MAP3K4: variants seen among roughly 807,000 people sequenced by gnomAD.
MAP3K4 encodes mitogen-activated protein kinase kinase kinase 4.
A neutral mutation model predicts 185.6 loss-of-function variants in MAP3K4; 67 were observed. The observed-to-expected ratio is 0.36, with a 90% CI of 0.30 to 0.44. The LOEUF is 0.44. Ranked by LOEUF, MAP3K4 falls within the 20% of genes least tolerant of loss-of-function variation. The probability of loss-of-function intolerance (pLI) is 1.00; values close to 1 mark genes in which losing one functional copy is unlikely to be tolerated. For synonymous variants in MAP3K4, 702 were observed against 710.4 expected, an observed-to-expected ratio of 0.99 and a Z score of 0.19; for missense variants, 1,551 against 1,995.1, an observed-to-expected ratio of 0.78 and a Z score of 4.24.
chr6:161,005,976 C>T (rs770538056), intron 1 of MAP3K4, among the ~76,000 whole-genome samples: 2 of 152,198 alleles, frequency 1.3e-5, no homozygotes, highest in East Asian at 1.9e-4. Flanking sequence ...TTAATAGAAA[C>T]GGGGTTTTGC....
At chr6:161,083,871 G>A (rs1785574404) in intron 6 of MAP3K4, among the ~76,000 whole-genome samples, 1 of 152,144 alleles carries the variant, frequency 6.6e-6, no homozygotes, top group South Asian at 2.1e-4. Flanking sequence ...GACAAGCCTA[G>A]CACTTACCTC....
chr6:161,087,901 C>G lies in MAP3K4; in HGVS notation c.2770C>G (p.Pro924Ala). ...EDSWGTWEAQ[P>A]VKVVPQVETV... ...CAGCTGGGGCACCTGGGAGGCACAG[C>G]CTGTCAAAGTCGTGCCTCAGGTGGA... The change falls in exon 10 of 27, where the codon CCT (proline) becomes GCT (alanine). Residue 924 changes from proline to alanine, a missense_variant. Around this residue, in one of 16 missense-constraint regions of MAP3K4, gnomAD observed 261 missense variants for 306.5 expected, o/e 0.85. Coordinates refer to ENST00000392142, the MANE Select transcript of MAP3K4 (RefSeq NM_005922.4). The surrounding 1 kb of genome is among the most constrained non-coding windows in gnomAD (Gnocchi z 4.9). 1 of 1,614,082 alleles carries G rather than the reference C, an allele frequency of 6.2e-7. No individual in the cohort carries two copies. Among genetic ancestry groups the G allele is most frequent in the Non-Finnish European group, 8.5e-7 (1 of 1,180,004 alleles).
At chr6:161,078,356 G>T (rs1315946996) in intron 5 of MAP3K4, among the ~76,000 whole-genome samples, 2 of 152,226 alleles carry the variant, frequency 1.3e-5, no homozygotes, top group East Asian at 3.9e-4. Flanking sequence ...GTAAGGGGCT[G>T]CAGGGTGCAG....
chr6:161,025,922 TTTAG>T (rs1472440923), intron 1 of MAP3K4, among the ~76,000 whole-genome samples: 2 of 152,252 alleles, frequency 1.3e-5, no homozygotes, highest in Non-Finnish European at 2.9e-5. Context: ...TATGGTTCTC[TTTAG>T]TTAAGCCTAA....
Position 161,091,020 on chromosome 6 carries a change from TA to T in MAP3K4, c.2974-358del, listed in dbSNP as rs1221149482. 1.3e-5 allele frequency among the ~76,000 whole-genome samples: 2 copies of T among 152,188 alleles called. No homozygotes were observed. Among genetic ancestry groups the T allele is most frequent in the African/African-American group, 4.8e-5 (2 of 41,448 alleles). On this transcript the variant is annotated intron_variant, in intron 11 of 26. Transcript: ENST00000392142. This position sits in a 1 kb window ranked among gnomAD's most constrained non-coding sequence, Gnocchi z 5.5. ...GACAGCACGATCGGAGGAGGTCATC[TA>T]GAAGTACATGGACTTTTTCACTCTG... is the stretch of plus-strand genomic sequence containing the variant.
chr6:161,106,239 TA>T lies in MAP3K4; in HGVS notation c.3857-274del, dbSNP rs1484191171. On this transcript the variant is annotated intron_variant, in intron 19 of 26. Coordinates refer to ENST00000392142, the MANE Select transcript of MAP3K4 (RefSeq NM_005922.4). This position sits in a 1 kb window ranked among gnomAD's most constrained non-coding sequence, Gnocchi z 4.9. ...GGAGAGAGGAGAAACTAGAGACATG[TA>T]TATTACTGCAAGATTTTAGCCAACG... 1.3e-5 allele frequency among the ~76,000 whole-genome samples: 2 copies of T among 152,168 alleles called. No individual in the cohort carries two copies. Among genetic ancestry groups the T allele is most frequent in the Non-Finnish European group, 2.9e-5 (2 of 68,034 alleles).
Position 161,056,126 on chromosome 6 carries a change from G to C in MAP3K4, c.1707+6147G>C, listed in dbSNP as rs1784224898. 6.6e-6 allele frequency among the ~76,000 whole-genome samples: 1 copy of C among 152,120 alleles called. No homozygotes were observed. Among genetic ancestry groups the C allele is most frequent in the African/African-American group, 2.4e-5 (1 of 41,424 alleles). On this transcript the variant is annotated intron_variant, in intron 3 of 26. Transcript: ENST00000392142. The surrounding 1 kb of genome is among the most constrained non-coding windows in gnomAD (Gnocchi z 5.4). ...TGGAGCTCTTTCAGTTGCCTTCTGT[G>C]TCGTTTGATATGCTCCCCTCTTTTG... is the stretch of plus-strand genomic sequence containing the variant.
In MAP3K4 at chr6:161,108,769, G is replaced by A; in HGVS notation, c.4146G>A (p.Lys1382=). The A allele has an allele frequency of 6.2e-7, 1 of 1,613,508 alleles. No individual in the cohort carries two copies. Among genetic ancestry groups the A allele is most frequent in the Non-Finnish European group, 8.5e-7 (1 of 1,179,500 alleles). ...TTCGATTTCAACCTAATGACCATAA[G>A]ACTATCAAGGAAACTGCAGACGAAT... ...KEIRFQPNDH[K]TIKETADELK... The change falls in exon 22 of 27, where the codon AAG becomes AAA. Residue 1382 remains lysine (K), a synonymous_variant. Transcript: ENST00000392142. The surrounding 1 kb of genome is among the most constrained non-coding windows in gnomAD (Gnocchi z 5.7).
At chr6:160,998,648 ACTC>A (rs1218764687) in intron 1 of MAP3K4, among the ~76,000 whole-genome samples, 13 of 152,188 alleles carry the variant, frequency 8.5e-5, no homozygotes, top group Non-Finnish European at 1.9e-4. Context: ...ATTAGAAACA[ACTC>A]CAACAGTAAC....
chr6:161,063,398 A>G lies in MAP3K4; in HGVS notation c.1708-7210A>G, dbSNP rs1774200419. On this transcript the variant is annotated intron_variant, in intron 3 of 26. Coordinates refer to ENST00000392142, the MANE Select transcript of MAP3K4 (RefSeq NM_005922.4). The surrounding 1 kb of genome is among the most constrained non-coding windows in gnomAD (Gnocchi z 5.4). ...TTATGGTAACCTTGTGCTAGATTCT[A>G]CTACAGTTCTTTTCTGTTGCTTATT... Among the ~76,000 whole-genome samples, 1 of 152,070 alleles carries G rather than the reference A, an allele frequency of 6.6e-6. No homozygotes were observed. The highest frequency in any genetic ancestry group is 2.4e-5 in the African/African-American group (1 of 41,404).
chr6:161,093,158 A>C lies in MAP3K4; in HGVS notation c.3348+102A>C. The C allele has an allele frequency of 1.4e-6, 1 of 733,304 alleles. No homozygotes were observed. Among genetic ancestry groups the C allele is most frequent in the Non-Finnish European group, 2.3e-6 (1 of 434,036 alleles). 45.4% of individuals were successfully genotyped at this position (733,304 alleles called of 1,614,324 possible). On this transcript the variant is annotated intron_variant, in intron 14 of 26. Coordinates refer to ENST00000392142, the MANE Select transcript of MAP3K4 (RefSeq NM_005922.4). The surrounding 1 kb of genome is among the most constrained non-coding windows in gnomAD (Gnocchi z 5.2). ...ATGTAATAGTGGTTTTTTTCATGAG[A>C]TATTAATCTCAGCATATCATGTAAT...
At chr6:160,995,118 A>T (rs1267143833) in intron 1 of MAP3K4, among the ~76,000 whole-genome samples, 1 of 152,080 alleles carries the variant, frequency 6.6e-6, no homozygotes, top group African/African-American at 2.4e-5. Flanking sequence ...TTTTTTAATT[A>T]TTATTTTTAA....
Position 161,106,575 on chromosome 6 carries a change from A to G in MAP3K4, c.3918A>G (p.Glu1306=). ...AIQKSVRLFE[E]KRYREMRRKN... ...AGAAGTCAGTCCGATTGTTTGAAGA[A>G]AAGAGGTACCGAGAAATGAGGAGAA... The change falls in exon 20 of 27, where the codon GAA becomes GAG. Residue 1306 remains glutamate, a synonymous_variant. Transcript: ENST00000392142. This position sits in a 1 kb window ranked among gnomAD's most constrained non-coding sequence, Gnocchi z 4.9. 2.5e-6 allele frequency: 4 copies of G among 1,614,074 alleles called. No homozygotes were observed. Among genetic ancestry groups the G allele is most frequent in the Non-Finnish European group, 3.4e-6 (4 of 1,179,956 alleles).
intron 1 of MAP3K4, among the ~76,000 whole-genome samples, chr6:161,012,690 ATGT>A (rs1213663695): frequency 6.6e-6 from 1 of 152,176 alleles, no homozygotes; most frequent in East Asian, 1.9e-4. Flanking sequence ...TCTATTTTAT[ATGT>A]TGTTTCCTTA....
rs1054461122 is a variant in MAP3K4 at position 161,106,388 on chromosome 6, G to A, written c.3857-126G>A. The stretch of plus-strand genomic sequence containing the variant: ...ACTTTAATTCACCTGCTGTTTATCT[G>A]AATAGATAATAAGCTTTGCTGTAAT... On this transcript the variant is annotated intron_variant, in intron 19 of 26. Transcript: ENST00000392142. The surrounding 1 kb of genome is among the most constrained non-coding windows in gnomAD (Gnocchi z 4.9). The A allele has an allele frequency of 8.0e-6, 5 of 628,128 alleles. No homozygotes were observed. In the African/African-American group the frequency reaches 9.1e-5, roughly 11 times the overall value. The allele number at this position is 628,128 out of a possible 1,614,324, so 38.9% of individuals were successfully genotyped here. A position where few individuals can be genotyped will look rare whatever the true frequency, so the allele number is the denominator to read the frequency against.
Position 161,091,891 on chromosome 6 carries a change from A to G in MAP3K4, c.3136-119A>G, listed in dbSNP as rs1777328184. 1 of 852,930 alleles carries G rather than the reference A, an allele frequency of 1.2e-6. No individual in the cohort carries two copies. The highest frequency in any genetic ancestry group is 2.5e-5 in the East Asian group (1 of 40,114). The allele number at this position is 852,930 out of a possible 1,614,324, so 52.8% of individuals were successfully genotyped here. A position where few individuals can be genotyped will look rare whatever the true frequency, so the allele number is the denominator to read the frequency against. On this transcript the variant is annotated intron_variant, in intron 12 of 26. Transcript: ENST00000392142. The surrounding 1 kb of genome is among the most constrained non-coding windows in gnomAD (Gnocchi z 5.5). ...ATTCTTCATACTATTCAAAATATAG[A>G]AATTTTAATTGGATTTCACTTTTTG...
At position 161,046,428 on chromosome 6, in the gene MAP3K4, A is replaced by T. The variant is rs370947374; in HGVS notation, c.344-2188A>T. Among the ~76,000 whole-genome samples, 11 of 152,234 alleles carry T rather than the reference A, an allele frequency of 7.2e-5. No homozygotes were observed. In the East Asian group the frequency reaches 1.5e-3, roughly 21 times the overall value. The stretch of plus-strand genomic sequence containing the variant: ...AGCTAGAAACAATAAAACTGTGAAG[A>T]AATTTTCTTAAATGGACTATATGAA... On this transcript the variant is annotated intron_variant, in intron 2 of 26. Coordinates refer to ENST00000392142, the MANE Select transcript of MAP3K4 (RefSeq NM_005922.4).
intron 1 of MAP3K4, among the ~76,000 whole-genome samples, chr6:161,000,353 AC>A (rs1562471206): frequency 6.6e-6 from 1 of 152,186 alleles, no homozygotes; most frequent in Non-Finnish European, 1.5e-5. Context: ...AGTCAGGAGA[AC>A]AAGTACACTA....
At chr6:161,000,730 TACAC>T (rs894001793) in intron 1 of MAP3K4, among the ~76,000 whole-genome samples, 6 of 151,338 alleles carry the variant, frequency 4.0e-5, no homozygotes, top group African/African-American at 9.7e-5. Flanking sequence ...TACACACACA[TACAC>T]ACACATATAT....
Sources: allele counts gnomAD v4.1 joint callset (sites outside exome capture counted in the v4.1 genomes callset), GRCh38; gene constraint gnomAD v4.1.1; regional missense constraint gnomAD v4.1.1; non-coding constraint Gnocchi (gnomAD v3.1); transcripts MANE v1.5; gene names NCBI Gene and HGNC (gene_info 2026-07-23, HGNC 2026-07-21).